SHF: variants seen among roughly 807,000 people sequenced by gnomAD.
SHF encodes Src homology 2 domain containing F, also known as SH2 domain-containing adapter protein F.
Under a neutral mutation model 42.4 loss-of-function variants are expected in SHF, and 30 were observed. That is an observed-to-expected ratio of 0.71 (90% CI 0.53 to 0.96). The LOEUF (loss-of-function observed/expected upper bound fraction) is 0.96. Ranked by LOEUF, SHF falls within the 40% of genes least tolerant of loss-of-function variation. SHF has a pLI of 0.00. For synonymous variants in SHF, 264 were observed against 269.9 expected, an observed-to-expected ratio of 0.98 and a Z score of 0.21; for missense variants, 598 against 634.0, an observed-to-expected ratio of 0.94 and a Z score of 0.61.
chr15:45,190,933 C>T (rs1269391775), upstream of SHF, among the ~76,000 whole-genome samples: 1 of 152,208 alleles, frequency 6.6e-6, no homozygotes, highest in African/African-American at 2.4e-5. Flanking sequence ...AGAGTATGAG[C>T]TCCTAAAAGC....
intron 6 of SHF, chr15:45,170,291 TAA>T (rs1472189654): frequency 3.5e-6 from 4 of 1,139,264 alleles, no homozygotes; most frequent in Admixed American, 7.3e-5. Context: ...TTTCTGTCTA[TAA>T]AAAAGAGATC....
At chr15:45,168,225 T>C (rs1897311971) in intron 6 of SHF, 92 bp from the exon 7 acceptor site, 1 of 1,234,522 alleles carries the variant, frequency 8.1e-7, no homozygotes, top group Admixed American at 3.0e-5. Context: ...CTACAGCAAA[T>C]GTGGTGGTTC....
chr15:45,199,029 C>G (rs752974867), exon 2 of SHF: 1 of 1,606,648 alleles, frequency 6.2e-7, no homozygotes, highest in Admixed American at 1.7e-5. Flanking sequence ...TCCAGGGTTC[C>G]GGTCCTACAG....
intron 6 of SHF, 91 bp downstream of exon 6, chr15:45,171,792 G>T: frequency 7.2e-7 from 1 of 1,391,984 alleles, no homozygotes. Context: ...GGGGGATGGG[G>T]ACCTCCCCAG....
chr15:45,173,829 G>C, intron 3 of SHF, 113 bp from the exon 4 acceptor site: 1 of 1,249,452 alleles, frequency 8.0e-7, no homozygotes, highest in South Asian at 1.3e-5. Context: ...TAGAAATGAG[G>C]AGGGGCAGAG....
At chr15:45,176,796 A>T (rs1321332399) in intron 2 of SHF, among the ~76,000 whole-genome samples, 1 of 152,130 alleles carries the variant, frequency 6.6e-6, no homozygotes, top group Non-Finnish European at 1.5e-5. Flanking sequence ...TTTCACATAT[A>T]ATTTCAGGGC....
At chr15:45,170,181 A>G in intron 6 of SHF, 1 of 334,590 alleles carries the variant, frequency 3.0e-6, no homozygotes, top group South Asian at 2.8e-5. Flanking sequence ...GCCCTGGAAT[A>G]CCATAGTTTG....
chr15:45,199,119 C>T (rs373900693), exon 2 of SHF: 781 of 1,483,272 alleles, frequency 5.3e-4, no homozygotes, highest in Non-Finnish European at 6.2e-4. Flanking sequence ...ATTGTGGACA[C>T]CCTAGAACCA....
upstream of SHF, among the ~76,000 whole-genome samples, chr15:45,192,775 T>C (rs1322729817): frequency 6.6e-6 from 1 of 152,228 alleles, no homozygotes; most frequent in Non-Finnish European, 1.5e-5. Context: ...CTAGTTTGTT[T>C]TTCATCACAT....
At chr15:45,178,831 C>A (rs1897970306) in intron 1 of SHF, among the ~76,000 whole-genome samples, 1 of 152,248 alleles carries the variant, frequency 6.6e-6, no homozygotes, top group Non-Finnish European at 1.5e-5. Context: ...CCGCGCCCGG[C>A]CCCAAGTGGT....
chr15:45,176,551 T>C (rs140809576), intron 2 of SHF, among the ~76,000 whole-genome samples: 2 of 152,232 alleles, frequency 1.3e-5, no homozygotes, highest in East Asian at 1.9e-4. Flanking sequence ...CTAGGTCTTA[T>C]GCATTTTTCC....
At chr15:45,172,804 G>T (rs150470731) in intron 4 of SHF, among the ~76,000 whole-genome samples, 3 of 152,052 alleles carry the variant, frequency 2.0e-5, no homozygotes, top group Non-Finnish European at 4.4e-5. Context: ...GGCTAATCCC[G>T]CCCAAAGCCA....
chr15:45,175,500 C>T (rs113908397), intron 2 of SHF, 75 bp from the exon 3 acceptor site: 6 of 1,458,794 alleles, frequency 4.1e-6, no homozygotes, highest in Middle Eastern at 4.1e-4. Context: ...CAATGCTTCT[C>T]AGCAACAAGC....
intron 2 of SHF, among the ~76,000 whole-genome samples, chr15:45,194,136 G>A (rs561402720): frequency 6.7e-6 from 1 of 148,590 alleles, no homozygotes; most frequent in East Asian, 2.0e-4. Context: ...AGGCAGCATT[G>A]CCTGACATAG....
At chr15:45,198,632 T>C (rs1412700024) in intron 2 of SHF, 7 of 1,076,918 alleles carry the variant, frequency 6.5e-6, no homozygotes, top group African/African-American at 3.2e-5. Flanking sequence ...CGAACCGAGG[T>C]TGCTGCGGCC....
rs1898552177 is a variant in SHF, at chr15:45,187,936, C to T, written c.16G>A (p.Ala6Thr). 1.7e-6 allele frequency: 2 copies of T among 1,178,040 alleles called. No individual in the cohort carries two copies. The highest frequency in any genetic ancestry group is 2.1e-6 in the Non-Finnish European group (2 of 953,616). 73.0% of individuals were successfully genotyped at this position (1,178,040 alleles called of 1,614,324 possible). A position where few individuals can be genotyped will look rare whatever the true frequency, so the allele number is the denominator to read the frequency against. ...CCCGGGCGGGAGCCAGCCGGAGGAG[C>T]TCCGCTCAGTAACATGGGGCCAGCC... MLLSG[A>T]PPAGSRPGPR... is the part of the protein sequence containing the mutation. Residue 6 changes from alanine to threonine, a missense_variant, in exon 1 of 7, where the codon GCT becomes ACT. Transcript: ENST00000690270.
chr15:45,172,343 A>G, intron 4 of SHF, 25 bp from the exon 5 acceptor site: 2 of 1,562,880 alleles, frequency 1.3e-6, no homozygotes. Flanking sequence ...TCAATCATGG[A>G]CTCTAAGGAC....
chr15:45,193,395 G>T (rs956559937), intron 2 of SHF, among the ~76,000 whole-genome samples: 3 of 152,152 alleles, frequency 2.0e-5, no homozygotes, highest in Non-Finnish European at 4.4e-5. Flanking sequence ...CAGTTCATAG[G>T]TAGATGAGAG....
At chr15:45,198,581 C>A in intron 2 of SHF, 6 of 585,518 alleles carry the variant, frequency 1.0e-5, no homozygotes, top group Non-Finnish European at 1.7e-5. Context: ...ATACCGAGCC[C>A]CTTGCCGTGC....
Sources: allele counts gnomAD v4.1 joint callset (sites outside exome capture counted in the v4.1 genomes callset), GRCh38; gene constraint gnomAD v4.1.1; transcripts MANE v1.5; gene names NCBI Gene and HGNC (gene_info 2026-07-23, HGNC 2026-07-21).